MEAK7: variants seen among roughly 807,000 people sequenced by gnomAD.
MEAK7 encodes MTOR associated protein MEAK7, also known as MTOR-associated protein MEAK7.
Under a neutral mutation model 40.5 loss-of-function variants are expected in MEAK7, and 68 were observed. The observed-to-expected ratio is 1.68, with a 90% CI of 1.38 to 2.06. The LOEUF (loss-of-function observed/expected upper bound fraction) is 2.06, where lower values mean the gene tolerates loss of function less well. Ranked by LOEUF, MEAK7 falls within the 30% of genes most tolerant of loss-of-function variation. The pLI is 0.00. For synonymous variants in MEAK7, 338 were observed against 231.9 expected (o/e 1.46, Z -4.16); for missense variants, 918 against 580.5 (o/e 1.58, Z -5.98).
intron 4 of MEAK7, 116 bp from the exon 5 acceptor site, chr16:84,487,175 A>G (rs967473152): frequency 1.0e-6 from 1 of 963,316 alleles, no homozygotes; most frequent in South Asian, 1.8e-5. Flanking sequence ...CTGAGCACAG[A>G]AAACAGGGCT....
chr16:84,501,919 T>C (rs898073375), intron 1 of MEAK7, among the ~76,000 whole-genome samples: 1 of 151,934 alleles, frequency 6.6e-6, no homozygotes, highest in African/African-American at 2.4e-5. Flanking sequence ...CCGAGGCGGG[T>C]GGATCTCCTG....
intron 2 of MEAK7, 63 bp from the exon 3 acceptor site, chr16:84,495,976 G>C: frequency 1.3e-6 from 2 of 1,566,092 alleles, no homozygotes; most frequent in Non-Finnish European, 1.7e-6. Context: ...GTTACTAGGA[G>C]TTATTATTTT....
At chr16:84,482,006 A>T (rs1260842818) in intron 6 of MEAK7, among the ~76,000 whole-genome samples, 1 of 152,168 alleles carries the variant, frequency 6.6e-6, no homozygotes, top group Non-Finnish European at 1.5e-5. Context: ...AGCTGGCAGG[A>T]GCAAGCTGAG....
chr16:84,498,222 G>A, intron 1 of MEAK7, 111 bp from the exon 2 acceptor site: 1 of 1,306,806 alleles, frequency 7.7e-7, no homozygotes, highest in African/African-American at 1.5e-5. Context: ...GCCACAAAAT[G>A]TAGCTAAAAC....
At chr16:84,503,972 G>T in intron 1 of MEAK7, 5 of 985,522 alleles carry the variant, frequency 5.1e-6, no homozygotes, top group Non-Finnish European at 6.0e-6. Context: ...ACAAGCTGGG[G>T]AGATTCCAAC....
At chr16:84,492,552 T>C (rs1008249264) in intron 3 of MEAK7, among the ~76,000 whole-genome samples, 3 of 129,550 alleles carry the variant, frequency 2.3e-5, no homozygotes, top group African/African-American at 5.3e-5. Context: ...TCTTATTTTG[T>C]GATATCAAGT....
intron 4 of MEAK7, among the ~76,000 whole-genome samples, chr16:84,488,825 T>C (rs775378580): frequency 3.1e-4 from 47 of 152,214 alleles, no homozygotes; most frequent in Non-Finnish European, 5.4e-4. Flanking sequence ...TGTAAATGCT[T>C]ATTTGAAAAA....
chr16:84,487,414 C>T (rs189374723), intron 4 of MEAK7: 1 of 206,238 alleles, frequency 4.8e-6, no homozygotes, highest in African/African-American at 2.3e-5. Flanking sequence ...TTGGCCAGCA[C>T]TGATCTAAAC....
At position 84,489,284 on chromosome 16, in the gene MEAK7, G is replaced by A. The variant is rs149770268; in HGVS notation, c.523C>T (p.Leu175=). The A allele has an allele frequency of 2.5e-6, 4 of 1,614,064 alleles. No individual in the cohort carries two copies. The African/African-American group carries it at 5.3e-5, about 22-fold the overall frequency. Residue 175 remains leucine, a synonymous_variant, in exon 4 of 8, where the codon CTG becomes TTG. Coordinates refer to ENST00000343629, the MANE Select transcript of MEAK7 (RefSeq NM_020947.4). ...CGCGTCCACGCACACTTGCCTTGCA[G>A]CTTCATGTCAGAGAGCAGCTGAGCA... ...LAAQLLSDMK[L]QDGKRLLGPQ...
intron 2 of MEAK7, 109 bp downstream of exon 2, chr16:84,497,825 G>T: frequency 1.3e-6 from 2 of 1,505,688 alleles, no homozygotes; most frequent in South Asian, 1.2e-5. Context: ...ACTTTTCAGT[G>T]TTGCCATCCA....
chr16:84,493,957 G>A (rs1913836851), intron 3 of MEAK7, among the ~76,000 whole-genome samples: 1 of 152,092 alleles, frequency 6.6e-6, no homozygotes, highest in East Asian at 1.9e-4. Flanking sequence ...CAAAGAGAGA[G>A]GAATTCACCC....
chr16:84,479,496 C>CA lies in MEAK7; in HGVS notation c.*416_*417insT, dbSNP rs1912318262. The CA allele has an allele frequency of 7.6e-6, 1 of 131,928 alleles. No individual in the cohort carries two copies. Among genetic ancestry groups the CA allele is most frequent in the Admixed American group, 7.8e-5 (1 of 12,770 alleles). The allele number at this position is 131,928 out of a possible 1,614,324, so 8.2% of individuals were successfully genotyped here. On this transcript the variant is annotated 3_prime_UTR_variant, in exon 8 of 8. Coordinates refer to ENST00000343629, the MANE Select transcript of MEAK7 (RefSeq NM_020947.4). ...TGCCAGCGGAATTCCCTAATGCCAG[C>CA]GGAATTCCCTAATGCCAGCGGAATT...
At chr16:84,486,607 A>T in intron 5 of MEAK7, 24 bp downstream of exon 5, 4 of 1,570,374 alleles carry the variant, frequency 2.5e-6, no homozygotes, top group Non-Finnish European at 3.5e-6. Context: ...GCCACTCGTC[A>T]AGGTTCAGGA....
At chr16:84,504,509 G>T in intron 1 of MEAK7, 92 bp downstream of exon 1, 1 of 813,906 alleles carries the variant, frequency 1.2e-6, no homozygotes, top group Non-Finnish European at 1.5e-6. Context: ...CAGGGCCCAG[G>T]CCTACTCTGG....
chr16:84,492,215 CAT>C (rs930439560), intron 3 of MEAK7, among the ~76,000 whole-genome samples: 3 of 152,168 alleles, frequency 2.0e-5, no homozygotes, highest in Non-Finnish European at 4.4e-5. Context: ...TAATATCAAA[CAT>C]ACACTGATCC....
At chr16:84,495,349 G>A (rs563074949) in intron 3 of MEAK7, among the ~76,000 whole-genome samples, 1 of 152,190 alleles carries the variant, frequency 6.6e-6, no homozygotes, top group Non-Finnish European at 1.5e-5. Flanking sequence ...GATTTACTGA[G>A]TGCAAGACAA....
At chr16:84,490,089 G>C (rs544539686) in intron 3 of MEAK7, among the ~76,000 whole-genome samples, 2 of 152,180 alleles carry the variant, frequency 1.3e-5, no homozygotes, top group Non-Finnish European at 2.9e-5. Flanking sequence ...AGAGCACTCA[G>C]TAATTGTACA....
chr16:84,496,170 C>T (rs1397043187), intron 2 of MEAK7, among the ~76,000 whole-genome samples: 2 of 152,216 alleles, frequency 1.3e-5, no homozygotes, highest in Non-Finnish European at 2.9e-5. Flanking sequence ...CCTTTCCCCA[C>T]ATGTTCCTGG....
intron 3 of MEAK7, among the ~76,000 whole-genome samples, chr16:84,492,874 G>C (rs553037861): frequency 6.6e-6 from 1 of 152,270 alleles, no homozygotes; most frequent in African/African-American, 2.4e-5. Context: ...CAGCCACTAC[G>C]CCCAGCCTAT....
Sources: gnomAD v4.1 joint callset for allele counts (sites outside exome capture counted in the v4.1 genomes callset) on GRCh38, gnomAD v4.1.1 for gene constraint, MANE v1.5 for transcripts, NCBI Gene and HGNC (gene_info 2026-07-23, HGNC 2026-07-21) for gene names.